Variants in MYLK observed in about 807,000 individuals in gnomAD.
MYLK encodes the protein myosin light chain kinase.
In MYLK, 106 loss-of-function variants were observed where a neutral mutation model predicts 203.4. That is an observed-to-expected ratio of 0.52 (90% CI 0.45 to 0.61). MYLK has a LOEUF of 0.61. MYLK is among the 20% of genes least tolerant of loss of function. MYLK has a pLI of 0.00. For missense variants in MYLK, 2,072 were observed against 2,442.3 expected, an observed-to-expected ratio of 0.85 and a Z score of 3.20; for synonymous variants, 867 against 959.5, an observed-to-expected ratio of 0.90 and a Z score of 1.78.
chr3:123,837,248 T>A (rs1426431599), intron 2 of MYLK, among the ~76,000 whole-genome samples: 2 of 152,088 alleles, frequency 1.3e-5, no homozygotes, highest in Non-Finnish European at 2.9e-5. Flanking sequence ...GTCAGGCTGG[T>A]CTCAAACTCC....
intron 1 of MYLK, among the ~76,000 whole-genome samples, chr3:123,883,982 C>T (rs927401071): frequency 3.9e-5 from 6 of 152,156 alleles, no homozygotes; most frequent in Non-Finnish European, 8.8e-5. Flanking sequence ...GCATCAGTGT[C>T]CCCAAGCACT....
intron 32 of MYLK, among the ~76,000 whole-genome samples, chr3:123,619,617 T>C (rs2057731396): frequency 6.6e-6 from 1 of 152,146 alleles, no homozygotes; most frequent in Admixed American, 6.5e-5. Context: ...GGGTTTTCAC[T>C]GAGGAGATGG....
At chr3:123,790,096 A>G (rs2064715681) in intron 4 of MYLK, among the ~76,000 whole-genome samples, 1 of 151,970 alleles carries the variant, frequency 6.6e-6, no homozygotes, top group African/African-American at 2.4e-5. Flanking sequence ...CACTCTCTCC[A>G]CTGCTGTCCC....
intron 16 of MYLK, among the ~76,000 whole-genome samples, chr3:123,704,888 C>A (rs548949558): frequency 6.6e-6 from 1 of 152,150 alleles, no homozygotes; most frequent in African/African-American, 2.4e-5. Context: ...CCACTGCACT[C>A]CAGCCTGGGC....
chr3:123,837,771 A>C (rs765188503), intron 2 of MYLK, among the ~76,000 whole-genome samples: 31 of 151,912 alleles, frequency 2.0e-4, no homozygotes, highest in Non-Finnish European at 2.8e-4. Context: ...TCTATGGATT[A>C]AGGATGGCTT....
Position 123,752,401 on chromosome 3 carries a change from CCT to C in MYLK, c.301_302del (p.Arg101GlyfsTer6). 6.2e-7 allele frequency: 1 copy of C among 1,614,182 alleles called. No individual in the cohort carries two copies. The highest frequency in any genetic ancestry group is 8.5e-7 in the Non-Finnish European group (1 of 1,180,032). ...LVIHAVHEED[R>X]GKYTCEATNG... ...TGGTGGCTTCACAGGTATACTTTCCCCTGTCCTCCTCATGGACAGCATGAATC... is the reference window on the plus strand; with the variant it reads ...TGGTGGCTTCACAGGTATACTTTCCCGTCCTCCTCATGGACAGCATGAATC... On this transcript the variant is annotated frameshift_variant, in exon 5 of 34. Transcript: ENST00000360304. LOFTEE classifies it high-confidence loss of function.
chr3:123,831,883 G>C (rs2066342231), intron 2 of MYLK, among the ~76,000 whole-genome samples: 1 of 152,170 alleles, frequency 6.6e-6, no homozygotes, highest in African/African-American at 2.4e-5. Flanking sequence ...ACCAGAACGA[G>C]GTACTTTCTT....
chr3:123,679,588 G>T (rs1304673142), intron 20 of MYLK, among the ~76,000 whole-genome samples: 1 of 152,132 alleles, frequency 6.6e-6, no homozygotes, highest in Non-Finnish European at 1.5e-5. Flanking sequence ...ACTTTGGAGT[G>T]TGTAGAGACA....
chr3:123,812,699 T>C (rs2065601300), intron 3 of MYLK, among the ~76,000 whole-genome samples: 1 of 152,240 alleles, frequency 6.6e-6, no homozygotes, highest in African/African-American at 2.4e-5. Flanking sequence ...AAATCCCTGA[T>C]GCAGGGCCAA....
intron 3 of MYLK, among the ~76,000 whole-genome samples, chr3:123,816,337 C>T (rs1208810619): frequency 6.6e-6 from 1 of 152,222 alleles, no homozygotes; most frequent in Non-Finnish European, 1.5e-5. Context: ...CATGTCCTCC[C>T]TATAATGGGG....
chr3:123,732,872 G>A (rs1269274939), intron 11 of MYLK, 24 bp downstream of exon 11: 1 of 1,608,032 alleles, frequency 6.2e-7, no homozygotes, highest in Admixed American at 1.7e-5. Flanking sequence ...GAGAATGCGG[G>A]GTGACCTGGA....
At chr3:123,653,948 C>G (rs2059301938) in intron 24 of MYLK, among the ~76,000 whole-genome samples, 1 of 151,944 alleles carries the variant, frequency 6.6e-6, no homozygotes, top group Non-Finnish European at 1.5e-5. Context: ...GGGACCCACA[C>G]TCTATGCAGC....
intron 1 of MYLK, among the ~76,000 whole-genome samples, chr3:123,878,339 T>C (rs959909777): frequency 2.0e-5 from 3 of 152,182 alleles, no homozygotes; most frequent in African/African-American, 7.2e-5. Context: ...GTGCTGAAGC[T>C]AGCCCCCAAA....
chr3:123,722,091 G>T lies in MYLK; in HGVS notation c.1804+37C>A, dbSNP rs759811089. On this transcript the variant is annotated intron_variant, in intron 13 of 33. Coordinates refer to ENST00000360304, the MANE Select transcript of MYLK (RefSeq NM_053025.4). ...TCCTCCAAAGCAGAAGTGCCTGCAG[G>T]AAAGGTGCTTCTACCCAGGTGCCCA... The T allele has an allele frequency of 1.0e-5, 16 of 1,554,460 alleles. No individual in the cohort carries two copies. In the South Asian group the frequency reaches 1.9e-4, roughly 18 times the overall value.
intron 2 of MYLK, among the ~76,000 whole-genome samples, chr3:123,859,641 T>G (rs967060738): frequency 1.3e-5 from 2 of 152,200 alleles, no homozygotes; most frequent in African/African-American, 4.8e-5. Flanking sequence ...ACCACTATCA[T>G]ATGAAGAGCT....
chr3:123,724,195 T>A (rs897972075), intron 12 of MYLK, among the ~76,000 whole-genome samples: 1 of 121,218 alleles, frequency 8.2e-6, no homozygotes, highest in East Asian at 2.6e-4. Flanking sequence ...TTGGCCAGGC[T>A]GGTCTTGAAC....
chr3:123,663,206 G>C (rs557566575), intron 23 of MYLK, among the ~76,000 whole-genome samples: 14 of 152,224 alleles, frequency 9.2e-5, no homozygotes, highest in Non-Finnish European at 1.9e-4. Context: ...GATGCTCCAG[G>C]AGAGAGCTGA....
intron 2 of MYLK, among the ~76,000 whole-genome samples, chr3:123,873,121 C>T (rs2032912326): frequency 1.3e-5 from 2 of 152,012 alleles, no homozygotes; most frequent in South Asian, 4.2e-4. Flanking sequence ...AAATAAAGAC[C>T]AAATATATAT....
chr3:123,718,695 G>A (rs2061989065), intron 13 of MYLK, among the ~76,000 whole-genome samples: 3 of 152,060 alleles, frequency 2.0e-5, no homozygotes, highest in South Asian at 4.2e-4. Flanking sequence ...CACCCTCCTC[G>A]ATTCACACAC....
Sources: gnomAD v4.1 joint callset for allele counts (sites outside exome capture counted in the v4.1 genomes callset) on GRCh38, gnomAD v4.1.1 for gene constraint, MANE v1.5 for transcripts, NCBI Gene and HGNC (gene_info 2026-07-23, HGNC 2026-07-21) for gene names.